Variants in SMC3 observed in about 807,000 individuals in gnomAD.
The protein encoded by SMC3 is structural maintenance of chromosomes 3.
SMC3 carries 20 observed loss-of-function variants against 171.8 expected under a neutral mutation model. That is an observed-to-expected ratio of 0.12 (90% CI 0.08 to 0.17). SMC3 has a LOEUF of 0.17. SMC3 is among the 10% of genes least tolerant of loss of function. SMC3 has a pLI of 1.00. For missense variants in SMC3, 543 were observed against 1,420.4 expected (o/e 0.38, Z 9.93); for synonymous variants, 464 against 451.1 (o/e 1.03, Z -0.36).
chr10:110,601,360 A>C lies in SMC3; in HGVS notation c.2644+230A>C, dbSNP rs35536671. Among the ~76,000 whole-genome samples, 738 of 152,334 alleles carry C rather than the reference A, an allele frequency of 4.8e-3. 4 individuals are homozygous for C. Among genetic ancestry groups the C allele is most frequent in the Non-Finnish European group, 8.6e-3 (584 of 68,020 alleles). ...ATAAATGATTCATTTTGTTGATAAA[A>C]TATGAAATACCTGACGAAAGTTTCT... On this transcript the variant is annotated intron_variant, in intron 23 of 28. Coordinates refer to ENST00000361804, the MANE Select transcript of SMC3 (RefSeq NM_005445.4).
intron 2 of SMC3, among the ~76,000 whole-genome samples, chr10:110,569,495 C>T (rs912547434): frequency 1.3e-5 from 2 of 151,922 alleles, no homozygotes; most frequent in Non-Finnish European, 2.9e-5. Context: ...GGGTGGGGGC[C>T]TGGGGGAGGG....
intron 18 of SMC3, among the ~76,000 whole-genome samples, chr10:110,595,226 T>C (rs10884992): frequency 0.99 from 150,490 of 152,166 alleles, 74,425 homozygotes; most frequent in East Asian, 1. Context: ...GTGATCTGCC[T>C]GCCTCAACCT....
intron 11 of SMC3, 141 bp downstream of exon 11, chr10:110,583,689 A>G: frequency 1.0e-5 from 12 of 1,187,396 alleles, no homozygotes; most frequent in Non-Finnish European, 1.5e-5. Flanking sequence ...TCAAGTAACA[A>G]CTTGGTACTG....
chr10:110,584,609 A>G (rs1307755730), intron 13 of SMC3, among the ~76,000 whole-genome samples: 2 of 152,180 alleles, frequency 1.3e-5, no homozygotes, highest in Non-Finnish European at 2.9e-5. Flanking sequence ...TAGATTAAGT[A>G]TATTAAAATG....
intron 13 of SMC3, among the ~76,000 whole-genome samples, chr10:110,587,904 CTT>C (rs1258794957): frequency 1.3e-5 from 2 of 152,154 alleles, no homozygotes; most frequent in African/African-American, 4.8e-5. Flanking sequence ...TTTGTTAACT[CTT>C]TTATGGTTTC....
chr10:110,580,478 T>G (rs1031459007), intron 7 of SMC3, among the ~76,000 whole-genome samples: 1 of 152,224 alleles, frequency 6.6e-6, no homozygotes, highest in African/African-American at 2.4e-5. Flanking sequence ...AACAGTTGTA[T>G]TTGGATTTTA....
intron 13 of SMC3, among the ~76,000 whole-genome samples, chr10:110,588,814 G>A (rs958238699): frequency 5.9e-5 from 9 of 152,066 alleles, no homozygotes; most frequent in Non-Finnish European, 1.2e-4. Flanking sequence ...ATTTGTTATA[G>A]GTTCTGCCAA....
chr10:110,569,376 C>A (rs1210368903), intron 2 of SMC3, among the ~76,000 whole-genome samples: 1 of 148,342 alleles, frequency 6.7e-6, no homozygotes, highest in Non-Finnish European at 1.5e-5. Context: ...TGCCAGGATT[C>A]CCCCCCCACC....
intron 2 of SMC3, 86 bp downstream of exon 2, chr10:110,569,099 C>A: frequency 1.2e-6 from 1 of 864,186 alleles, no homozygotes; most frequent in South Asian, 1.4e-5. Flanking sequence ...CTTAAGGAGA[C>A]AGGAATTGTC....
At chr10:110,584,118 T>C (rs1861072241) in intron 12 of SMC3, 65 bp from the exon 13 acceptor site, 3 of 1,464,128 alleles carry the variant, frequency 2.0e-6, no homozygotes, top group East Asian at 2.3e-5. Context: ...CAGTTGACAT[T>C]ATTGGTTGCA....
At chr10:110,594,539 A>C (rs1335763300) in intron 18 of SMC3, among the ~76,000 whole-genome samples, 2 of 152,130 alleles carry the variant, frequency 1.3e-5, no homozygotes, top group Non-Finnish European at 2.9e-5. Context: ...GCTAAATCTC[A>C]TTTTGAGGTT....
rs1267093761 is a variant in SMC3, at chr10:110,584,170, C to T, written c.1092-13C>T. 4.2e-5 allele frequency: 67 copies of T among 1,612,472 alleles called. No individual in the cohort carries two copies. Among genetic ancestry groups the T allele is most frequent in the Non-Finnish European group, 5.7e-5 (67 of 1,178,618 alleles). ...ATTCTCCTTTTCATCCCATTTGCTT[C>T]TATTTTGTGTAGATTGGCTCAAGCT... On this transcript the variant is annotated splice_polypyrimidine_tract_variant and intron_variant, in intron 12 of 28. Transcript: ENST00000361804.
intron 1 of SMC3, chr10:110,568,588 GA>G: frequency 3.7e-6 from 1 of 273,688 alleles, no homozygotes; most frequent in Non-Finnish European, 7.0e-6. Flanking sequence ...GGAGTCAGGA[GA>G]GCTGGGGCCC....
chr10:110,581,100 A>G, intron 8 of SMC3, 79 bp downstream of exon 8: 1 of 810,328 alleles, frequency 1.2e-6, no homozygotes, highest in Non-Finnish European at 2.2e-6. Flanking sequence ...TGATGGGAAT[A>G]TAGTAGGTGT....
intron 1 of SMC3, 23 bp downstream of exon 1, chr10:110,567,854 C>A: frequency 1.2e-6 from 2 of 1,613,288 alleles, no homozygotes; most frequent in South Asian, 1.1e-5. Flanking sequence ...CGTCCCTCCA[C>A]CCCGTCATGG....
At chr10:110,572,715 A>G (rs954949113) in intron 2 of SMC3, among the ~76,000 whole-genome samples, 2 of 152,098 alleles carry the variant, frequency 1.3e-5, no homozygotes, top group Non-Finnish European at 1.5e-5. Context: ...TTGTGCCTGC[A>G]TTTACCATCT....
chr10:110,570,085 A>G (rs1028272503), intron 2 of SMC3, among the ~76,000 whole-genome samples: 2 of 152,146 alleles, frequency 1.3e-5, no homozygotes, highest in Non-Finnish European at 2.9e-5. Flanking sequence ...TGATCAGGAT[A>G]CCTGCATGGT....
At chr10:110,569,050 C>T in intron 2 of SMC3, 37 bp downstream of exon 2, 1 of 1,244,734 alleles carries the variant, frequency 8.0e-7, no homozygotes, top group Non-Finnish European at 1.2e-6. Flanking sequence ...TATTTATAGT[C>T]TATACAGATA....
In SMC3 at chr10:110,590,487, C is replaced by A; in HGVS notation, c.1585C>A (p.Gln529Lys). 1 of 1,613,884 alleles carries A rather than the reference C, an allele frequency of 6.2e-7. No homozygotes were observed. The highest frequency in any genetic ancestry group is 1.1e-5 in the South Asian group (1 of 91,038). The change falls in exon 16 of 29, where the codon CAA becomes AAA. Residue 529 changes from glutamine to lysine, a missense_variant. Gln to Lys is a moderately conservative substitution (Grantham distance 53). Coordinates refer to ENST00000361804, the MANE Select transcript of SMC3 (RefSeq NM_005445.4). ...TCGAAAAGGAATAAACCAGCATGTTCAAAATGGCTATCATGGTATTGTAAT... is the reference window on the plus strand; with the variant it reads ...TCGAAAAGGAATAAACCAGCATGTTAAAAATGGCTATCATGGTATTGTAAT... ...FRRKGINQHV[Q>K]NGYHGIVMNN...
Sources: gnomAD v4.1 joint callset for allele counts (sites outside exome capture counted in the v4.1 genomes callset) on GRCh38, gnomAD v4.1.1 for gene constraint, MANE v1.5 for transcripts, NCBI Gene and HGNC (gene_info 2026-07-23, HGNC 2026-07-21) for gene names.